Variants in ATP11B observed in about 807,000 individuals in gnomAD.
ATP11B encodes phospholipid-transporting ATPase IF.
ATP11B carries 81 observed loss-of-function variants against 157.8 expected under a neutral mutation model. The observed-to-expected ratio is 0.51, with a 90% CI of 0.43 to 0.62. ATP11B has a LOEUF of 0.62. ATP11B is among the 20% of genes least tolerant of loss of function. The pLI, the probability that ATP11B is intolerant of heterozygous loss-of-function variation, is 0.00. For synonymous variants in ATP11B, 451 were observed against 469.4 expected, an observed-to-expected ratio of 0.96 and a Z score of 0.51; for missense variants, 1,165 against 1,402.2, an observed-to-expected ratio of 0.83 and a Z score of 2.70.
At chr3:182,895,957 G>A (rs73883932) in intron 25 of ATP11B, among the ~76,000 whole-genome samples, 111 of 152,284 alleles carry the variant, frequency 7.3e-4, no homozygotes, top group African/African-American at 2.5e-3. Context: ...CCGAACCCCC[G>A]TGAAATGTTG....
In ATP11B at chr3:182,919,418, C is replaced by T. The variant is rs1428999465; in HGVS notation, c.*1314C>T. Reference sequence around the variant, plus strand: ...TAATTAACTCATTGCACTTCAAAACCTAACTTCCATCCTGAATTTATCAAG... The same window carrying T: ...TAATTAACTCATTGCACTTCAAAACTTAACTTCCATCCTGAATTTATCAAG... On this transcript the variant is annotated 3_prime_UTR_variant, in exon 30 of 30. Transcript: ENST00000323116. 1 of 152,608 alleles carries T rather than the reference C, an allele frequency of 6.6e-6. No homozygotes were observed. The highest frequency in any genetic ancestry group is 1.5e-5 in the Non-Finnish European group (1 of 68,026). The allele number at this position is 152,608 out of a possible 1,614,324, so 9.5% of individuals were successfully genotyped here.
At chr3:182,853,333 G>A (rs1011166485) in intron 10 of ATP11B, among the ~76,000 whole-genome samples, 1 of 151,884 alleles carries the variant, frequency 6.6e-6, no homozygotes, top group Non-Finnish European at 1.5e-5. Context: ...TCAGCCTCCC[G>A]AGTGGCTGGG....
chr3:182,817,451 T>G (rs1360031436), intron 1 of ATP11B, among the ~76,000 whole-genome samples: 1 of 152,156 alleles, frequency 6.6e-6, no homozygotes, highest in Non-Finnish European at 1.5e-5. Context: ...CAGCTAATTT[T>G]TTAATTTTTA....
intron 7 of ATP11B, among the ~76,000 whole-genome samples, chr3:182,839,671 G>T (rs1299949198): frequency 6.6e-6 from 1 of 151,546 alleles, no homozygotes; most frequent in Non-Finnish European, 1.5e-5. Flanking sequence ...GTGCAGTGAC[G>T]CGATCTTAGC....
intron 4 of ATP11B, among the ~76,000 whole-genome samples, chr3:182,835,744 G>A (rs1340744543): frequency 6.6e-6 from 1 of 152,120 alleles, no homozygotes; most frequent in East Asian, 1.9e-4. Context: ...GTGAGAAAGA[G>A]GAATGTGAGA....
intron 12 of ATP11B, among the ~76,000 whole-genome samples, chr3:182,862,021 A>G (rs1321868120): frequency 6.6e-6 from 1 of 151,814 alleles, no homozygotes; most frequent in Non-Finnish European, 1.5e-5. Context: ...CAAGGTGGGT[A>G]GATCACTTGA....
chr3:182,835,276 G>A (rs1718461644), intron 4 of ATP11B, among the ~76,000 whole-genome samples: 1 of 152,118 alleles, frequency 6.6e-6, no homozygotes, highest in African/African-American at 2.4e-5. Context: ...TTATAATTCT[G>A]TCAGTCTGTT....
chr3:182,808,057 G>A (rs774293393), intron 1 of ATP11B, among the ~76,000 whole-genome samples: 3 of 152,216 alleles, frequency 2.0e-5, no homozygotes, highest in Non-Finnish European at 4.4e-5. Context: ...TTTGCAATGA[G>A]TGTAATTGGC....
At chr3:182,916,081 T>C in intron 29 of ATP11B, 9 of 985,394 alleles carry the variant, frequency 9.1e-6, no homozygotes, top group Non-Finnish European at 1.1e-5. Flanking sequence ...AGCTACCTGG[T>C]GCTTTTCAAG....
At position 182,804,757 on chromosome 3, in the gene ATP11B, C is replaced by T. The variant is rs143117066; in HGVS notation, c.27+10971C>T. On this transcript the variant is annotated intron_variant, in intron 1 of 29. Transcript: ENST00000323116. ...ATATTTTTTCTTCCCAAAAGAAACTCGATACTCATTAACTGTCATTCCCCA... is the reference window on the plus strand; with the variant it reads ...ATATTTTTTCTTCCCAAAAGAAACTTGATACTCATTAACTGTCATTCCCCA... Among the ~76,000 whole-genome samples, 12 of 152,260 alleles carry T rather than the reference C, an allele frequency of 7.9e-5. No homozygotes were observed. The East Asian group carries it at 1.9e-3, about 24-fold the overall frequency.
intron 2 of ATP11B, among the ~76,000 whole-genome samples, chr3:182,821,876 C>A (rs1717374554): frequency 6.6e-6 from 1 of 152,234 alleles, no homozygotes; most frequent in Admixed American, 6.5e-5. Flanking sequence ...CCTTCCCTCT[C>A]TTCTAAAGCA....
rs142120253 is a variant in ATP11B, at chr3:182,858,211, A to G, written c.1002+183A>G. On this transcript the variant is annotated intron_variant, in intron 11 of 29. Transcript: ENST00000323116. ...GTGTTTGTACTGATACGCTTTTTGT[A>G]GTTTACGGCATAAAAAGTTGTATTC... 1.3e-4 allele frequency among the ~76,000 whole-genome samples: 20 copies of G among 152,324 alleles called. No homozygotes were observed. In the East Asian group the frequency reaches 1.5e-3, roughly 12 times the overall value.
At chr3:182,794,353 C>A (rs994216406) in intron 1 of ATP11B, among the ~76,000 whole-genome samples, 2 of 152,104 alleles carry the variant, frequency 1.3e-5, no homozygotes, top group African/African-American at 4.8e-5. Flanking sequence ...GACGTTTCTC[C>A]CCAGGACCTG....
intron 3 of ATP11B, among the ~76,000 whole-genome samples, chr3:182,829,465 A>G (rs1265896611): frequency 1.3e-5 from 2 of 152,168 alleles, no homozygotes; most frequent in African/African-American, 4.8e-5. Context: ...TTGTGTTTAA[A>G]CAGAGTTGCT....
intron 10 of ATP11B, 76 bp downstream of exon 10, chr3:182,848,633 A>G (rs1340001597): frequency 3.6e-6 from 2 of 550,000 alleles, no homozygotes; most frequent in African/African-American, 2.0e-5. Context: ...AAAATATTAT[A>G]TATATAATAT....
chr3:182,905,310 A>G (rs539050312), intron 28 of ATP11B, among the ~76,000 whole-genome samples: 1 of 152,362 alleles, frequency 6.6e-6, no homozygotes, highest in South Asian at 2.1e-4. Flanking sequence ...CTCATTAAAA[A>G]TCTGTTTCAA....
At chr3:182,861,494 T>G (rs939800161) in intron 12 of ATP11B, among the ~76,000 whole-genome samples, 3 of 152,184 alleles carry the variant, frequency 2.0e-5, no homozygotes, top group African/African-American at 4.8e-5. Context: ...AAGATAGGCA[T>G]CAGAAGGGTT....
chr3:182,846,235 G>C (rs887297586), intron 9 of ATP11B, among the ~76,000 whole-genome samples: 13 of 150,358 alleles, frequency 8.6e-5, no homozygotes, highest in African/African-American at 2.5e-4. Context: ...CTCTTTTTCT[G>C]TTACCTGTAC....
intron 1 of ATP11B, among the ~76,000 whole-genome samples, chr3:182,797,577 G>A (rs73048887): frequency 0.017 from 2,591 of 152,088 alleles, 84 homozygotes; most frequent in African/African-American, 0.058. Flanking sequence ...GCGTGGTGAT[G>A]GGCACCTGTA....
Sources: gnomAD v4.1 joint callset for allele counts (sites outside exome capture counted in the v4.1 genomes callset) on GRCh38, gnomAD v4.1.1 for gene constraint, MANE v1.5 for transcripts, NCBI Gene and HGNC (gene_info 2026-07-23, HGNC 2026-07-21) for gene names.